The following XKR4 variants were observed in gnomAD, a reference collection of about 807,000 sequenced individuals.
XKR4 encodes the protein XK-related protein 4.
A neutral mutation model predicts 53.9 loss-of-function variants in XKR4; 12 were observed. The ratio of observed to expected loss-of-function variants is 0.22; its 90% CI spans 0.14 to 0.36. The LOEUF is 0.36. XKR4 is among the 10% of genes least tolerant of loss of function. The pLI is 1.00. For missense variants in XKR4, 799 were observed against 859.5 expected (o/e 0.93, Z 0.88); for synonymous variants, 354 against 362.4 (o/e 0.98, Z 0.26).
At chr8:55,496,384 CA>C (rs59482857) in intron 2 of XKR4, among the ~76,000 whole-genome samples, 11 of 149,234 alleles carry the variant, frequency 7.4e-5, no homozygotes, top group South Asian at 2.1e-4. Flanking sequence ...TTCTTTAAAA[CA>C]AAAAAAAAAT....
intron 1 of XKR4, among the ~76,000 whole-genome samples, chr8:55,221,438 C>T (rs1817879378): frequency 6.6e-6 from 1 of 152,186 alleles, no homozygotes; most frequent in Admixed American, 6.5e-5. Flanking sequence ...TGAGCAGCCC[C>T]TCCCTTGAGA....
At chr8:55,462,799 A>C (rs1013715119) in intron 2 of XKR4, among the ~76,000 whole-genome samples, 1 of 152,236 alleles carries the variant, frequency 6.6e-6, no homozygotes, top group Admixed American at 6.5e-5. Flanking sequence ...GTAAATGGAA[A>C]ACAAAAAAAG....
chr8:55,214,670 T>A (rs1351112599), intron 1 of XKR4, among the ~76,000 whole-genome samples: 1 of 152,174 alleles, frequency 6.6e-6, no homozygotes, highest in Non-Finnish European at 1.5e-5. Context: ...ACCGTGGTAA[T>A]CTAGAGTTTA....
intron 1 of XKR4, chr8:55,272,761 T>G: frequency 2.7e-6 from 1 of 366,440 alleles, no homozygotes; most frequent in South Asian, 2.1e-5. Flanking sequence ...ACCAATGACA[T>G]CTCTGTTTAG....
chr8:55,181,664 A>G lies in XKR4; in HGVS notation c.806+78370A>G, dbSNP rs954561209. ...CCTGCTGCATCCCTGCAGGCAGGAG[A>G]TGATGACAGTGACTTTGGGGATAGA... On this transcript the variant is annotated intron_variant, in intron 1 of 2. Transcript: ENST00000327381. Among the ~76,000 whole-genome samples the G allele has an allele frequency of 2.6e-5, 4 of 152,170 alleles. No individual in the cohort carries two copies. In the South Asian group the frequency reaches 8.3e-4, roughly 32 times the overall value.
intron 2 of XKR4, among the ~76,000 whole-genome samples, chr8:55,512,889 G>T (rs953810057): frequency 6.6e-6 from 1 of 152,122 alleles, no homozygotes; most frequent in Admixed American, 6.5e-5. Flanking sequence ...GCAGAGACTC[G>T]TTTAAGCAGA....
At chr8:55,305,112 C>A (rs1003866955) in intron 1 of XKR4, among the ~76,000 whole-genome samples, 2 of 152,064 alleles carry the variant, frequency 1.3e-5, no homozygotes, top group African/African-American at 4.8e-5. Context: ...AGGTCTAGAA[C>A]CCACTGTTCT....
intron 2 of XKR4, among the ~76,000 whole-genome samples, chr8:55,364,083 AG>A (rs935361214): frequency 6.6e-6 from 1 of 152,084 alleles, no homozygotes; most frequent in Non-Finnish European, 1.5e-5. Context: ...TTAAAATGAG[AG>A]GGGGGCTTAC....
chr8:55,162,345 A>C (rs1158907294), intron 1 of XKR4, among the ~76,000 whole-genome samples: 1 of 152,208 alleles, frequency 6.6e-6, no homozygotes, highest in African/African-American at 2.4e-5. Flanking sequence ...CGTCTTTTAA[A>C]ATAAGTGAGT....
intron 2 of XKR4, among the ~76,000 whole-genome samples, chr8:55,490,260 A>G (rs1264755332): frequency 6.6e-6 from 1 of 152,334 alleles, no homozygotes; most frequent in African/African-American, 2.4e-5. Flanking sequence ...GAATAAAATG[A>G]TGTAAAATGA....
At chr8:55,435,195 A>G (rs147463206) in intron 2 of XKR4, among the ~76,000 whole-genome samples, 304 of 152,282 alleles carry the variant, frequency 2.0e-3, no homozygotes, top group African/African-American at 6.6e-3. Context: ...CCAGGTTAAA[A>G]CATTCAGTCC....
rs183851575 is a variant in XKR4 at position 55,169,116 on chromosome 8, G to T, written c.806+65822G>T. 5.3e-5 allele frequency among the ~76,000 whole-genome samples: 8 copies of T among 152,204 alleles called. No individual in the cohort carries two copies. The East Asian group carries it at 9.7e-4, about 18-fold the overall frequency. On this transcript the variant is annotated intron_variant, in intron 1 of 2. Transcript: ENST00000327381. ...GGGTAAGCAATCAGGTTTTTAACAC[G>T]TGCCCTTTAAAATATTGACATGATT... is the stretch of plus-strand genomic sequence containing the variant.
intron 1 of XKR4, among the ~76,000 whole-genome samples, chr8:55,315,693 T>C (rs1819463074): frequency 1.3e-5 from 2 of 152,160 alleles, no homozygotes; most frequent in South Asian, 4.1e-4. Flanking sequence ...GAACTTTTTA[T>C]GCTACAAAAC....
At chr8:55,348,030 T>C (rs1042260305) in intron 1 of XKR4, among the ~76,000 whole-genome samples, 2 of 152,148 alleles carry the variant, frequency 1.3e-5, no homozygotes, top group Admixed American at 6.6e-5. Context: ...CCAGCCTGGA[T>C]TCCCTGGATT....
At position 55,451,449 on chromosome 8, in the gene XKR4, G is replaced by T. The variant is rs1250099277; in HGVS notation, c.1007-71832G>T. Reference sequence around the variant, plus strand: ...GCATGGAGCTGACAACAGCCTGCAGGTACTTCTCCTGCTCCAGGCTACTCG... The same window carrying T: ...GCATGGAGCTGACAACAGCCTGCAGTTACTTCTCCTGCTCCAGGCTACTCG... On this transcript the variant is annotated intron_variant, in intron 2 of 2. Coordinates refer to ENST00000327381, the MANE Select transcript of XKR4 (RefSeq NM_052898.2). The T allele has an allele frequency of 7.3e-6, 9 of 1,236,224 alleles. No homozygotes were observed. In the Admixed American group the frequency reaches 1.8e-4, roughly 25 times the overall value. 76.6% of individuals were successfully genotyped at this position (1,236,224 alleles called of 1,614,324 possible).
chr8:55,428,374 T>G (rs1445272307), intron 2 of XKR4, among the ~76,000 whole-genome samples: 1 of 152,066 alleles, frequency 6.6e-6, no homozygotes, highest in African/African-American at 2.4e-5. Flanking sequence ...AAGCCTGCGC[T>G]CTCTAGCCAA....
At chr8:55,110,216 A>G (rs753226692) in intron 1 of XKR4, among the ~76,000 whole-genome samples, 2 of 152,124 alleles carry the variant, frequency 1.3e-5, no homozygotes, top group Non-Finnish European at 2.9e-5. Context: ...ATTTAGGGAA[A>G]ATTATATTTA....
intron 1 of XKR4, among the ~76,000 whole-genome samples, chr8:55,237,941 A>T (rs1424150079): frequency 1.3e-5 from 2 of 152,182 alleles, no homozygotes; most frequent in Admixed American, 6.5e-5. Flanking sequence ...AAGAAAAAAA[A>T]GGAAGAGGGA....
At chr8:55,353,454 A>G (rs957328519) in intron 1 of XKR4, among the ~76,000 whole-genome samples, 12 of 152,160 alleles carry the variant, frequency 7.9e-5, no homozygotes, top group African/African-American at 2.7e-4. Context: ...ACCAGAAACT[A>G]CTGAAGGGTG....
Sources: gnomAD v4.1 joint callset for allele counts (sites outside exome capture counted in the v4.1 genomes callset) on GRCh38, gnomAD v4.1.1 for gene constraint, MANE v1.5 for transcripts, NCBI Gene and HGNC (gene_info 2026-07-23, HGNC 2026-07-21) for gene names.